Variants in AGBL1 observed in about 807,000 individuals in gnomAD.
AGBL1 encodes the protein AGBL carboxypeptidase 1.
AGBL1 carries 130 observed loss-of-function variants against 118.9 expected under a neutral mutation model. The ratio of observed to expected loss-of-function variants is 1.09; its 90% CI spans 0.95 to 1.26. The LOEUF (loss-of-function observed/expected upper bound fraction) is 1.26, where lower values mean the gene tolerates loss of function less well. AGBL1 is among the 50% of genes most tolerant of loss of function. The pLI, the probability that AGBL1 is intolerant of heterozygous loss-of-function variation, is 0.00. For missense variants in AGBL1, 1,584 were observed against 1,298.1 expected, an observed-to-expected ratio of 1.22 and a Z score of -3.38; for synonymous variants, 555 against 478.9, an observed-to-expected ratio of 1.16 and a Z score of -2.08.
chr15:86,444,019 G>A (rs180734166), intron 18 of AGBL1, among the ~76,000 whole-genome samples: 28 of 152,156 alleles, frequency 1.8e-4, no homozygotes, highest in African/African-American at 2.4e-4. Flanking sequence ...AGTTTATGGC[G>A]GAATATCAGT....
At chr15:86,811,443 G>T (rs2078787291) in intron 22 of AGBL1, among the ~76,000 whole-genome samples, 2 of 152,094 alleles carry the variant, frequency 1.3e-5, no homozygotes, top group Admixed American at 6.6e-5. Context: ...CTCTTCCCTG[G>T]CCTTATAACT....
At chr15:86,449,842 A>G (rs1211302742) in intron 18 of AGBL1, among the ~76,000 whole-genome samples, 4 of 152,174 alleles carry the variant, frequency 2.6e-5, no homozygotes, top group African/African-American at 4.8e-5. Flanking sequence ...CCTTCCACCC[A>G]GGAGAGCCAT....
chr15:86,376,741 C>T (rs926982258), intron 17 of AGBL1, among the ~76,000 whole-genome samples: 1 of 152,164 alleles, frequency 6.6e-6, no homozygotes, highest in African/African-American at 2.4e-5. Context: ...GGCTCAAGCT[C>T]TCATCTTAAG....
intron 7 of AGBL1, among the ~76,000 whole-genome samples, chr15:86,248,728 C>G (rs759572770): frequency 2.0e-5 from 3 of 152,082 alleles, no homozygotes; most frequent in Non-Finnish European, 4.4e-5. Flanking sequence ...ATAGGGAAAA[C>G]CTCCTAGCAG....
intron 1 of AGBL1, among the ~76,000 whole-genome samples, chr15:86,100,713 TTTG>T (rs998355001): frequency 6.6e-5 from 10 of 152,058 alleles, no homozygotes; most frequent in Admixed American, 4.6e-4. Context: ...TAATAGCTTT[TTTG>T]TTGTTGTTGT....
intron 4 of AGBL1, among the ~76,000 whole-genome samples, chr15:86,157,012 A>G (rs1054585022): frequency 4.0e-5 from 6 of 150,818 alleles, no homozygotes. Flanking sequence ...CTGGTCTTGA[A>G]CTCCTGACCT....
intron 17 of AGBL1, chr15:86,296,186 T>A (rs2079635829): frequency 6.7e-6 from 1 of 150,306 alleles, no homozygotes; most frequent in Non-Finnish European, 1.5e-5. Context: ...TGAAAATGGC[T>A]TCTGACATCA....
At chr15:86,351,847 T>G (rs1405899956) in intron 17 of AGBL1, among the ~76,000 whole-genome samples, 1 of 152,226 alleles carries the variant, frequency 6.6e-6, no homozygotes, top group African/African-American at 2.4e-5. Flanking sequence ...ACATTAGAAA[T>G]ATTTTCACAT....
chr15:86,376,555 A>T (rs914845095), intron 17 of AGBL1, among the ~76,000 whole-genome samples: 2 of 152,248 alleles, frequency 1.3e-5, no homozygotes, highest in Non-Finnish European at 2.9e-5. Flanking sequence ...GTGTGATAAC[A>T]GGTGTAAAGT....
intron 23 of AGBL1, among the ~76,000 whole-genome samples, chr15:86,949,128 G>A (rs2080853694): frequency 6.6e-6 from 1 of 151,942 alleles, no homozygotes; most frequent in Non-Finnish European, 1.5e-5. Flanking sequence ...AAGAAATACT[G>A]TAAAGAATAA....
At chr15:86,425,368 A>G (rs78256822) in intron 18 of AGBL1, among the ~76,000 whole-genome samples, 5,901 of 151,878 alleles carry the variant, frequency 0.039, 403 homozygotes, top group African/African-American at 0.14. Context: ...GCAGGGGAGT[A>G]TCACACACCA....
At chr15:86,136,999 T>A (rs1597442855) in intron 1 of AGBL1, among the ~76,000 whole-genome samples, 1 of 152,276 alleles carries the variant, frequency 6.6e-6, no homozygotes, top group South Asian at 2.1e-4. Flanking sequence ...TTTCAAAGGA[T>A]CATTAAAGGA....
At chr15:86,994,855 A>G (rs2081366120) in intron 24 of AGBL1, among the ~76,000 whole-genome samples, 1 of 152,234 alleles carries the variant, frequency 6.6e-6, no homozygotes, top group African/African-American at 2.4e-5. Flanking sequence ...TCTCAACCTT[A>G]TAATGGTCGA....
chr15:86,363,417 C>T (rs537373203), intron 17 of AGBL1, among the ~76,000 whole-genome samples: 10 of 152,234 alleles, frequency 6.6e-5, no homozygotes, highest in Admixed American at 4.6e-4. Flanking sequence ...TCTCTAGGAT[C>T]TCTTCCTTGT....
At chr15:86,839,317 T>G (rs932381200) in intron 22 of AGBL1, among the ~76,000 whole-genome samples, 3 of 152,238 alleles carry the variant, frequency 2.0e-5, no homozygotes, top group Non-Finnish European at 4.4e-5. Context: ...TGAAAAAGTC[T>G]TGCTTTAGTA....
At chr15:86,463,407 A>T (rs548964429) in intron 18 of AGBL1, among the ~76,000 whole-genome samples, 1 of 151,596 alleles carries the variant, frequency 6.6e-6, no homozygotes, top group African/African-American at 2.4e-5. Flanking sequence ...CACTCTGATG[A>T]TAGTTTCTTT....
intron 1 of AGBL1, among the ~76,000 whole-genome samples, chr15:86,091,888 T>C (rs1021521704): frequency 6.6e-6 from 1 of 152,296 alleles, no homozygotes; most frequent in East Asian, 1.9e-4. Flanking sequence ...TGATTTGTTC[T>C]TGTGAAAGTC....
chr15:86,598,031 T>C, intron 21 of AGBL1, among the ~76,000 whole-genome samples: 1 of 152,170 alleles, frequency 6.6e-6, no homozygotes, highest in Non-Finnish European at 1.5e-5. Flanking sequence ...CAGAGTTCTA[T>C]CATCATATTT....
intron 21 of AGBL1, among the ~76,000 whole-genome samples, chr15:86,627,004 ATT>A (rs529625807): frequency 1.4e-5 from 2 of 140,308 alleles, no homozygotes; most frequent in Non-Finnish European, 1.6e-5. Context: ...CGACCAGCTA[ATT>A]TTTTTTTTTT....
Sources: allele counts gnomAD v4.1 joint callset (sites outside exome capture counted in the v4.1 genomes callset), GRCh38; gene constraint gnomAD v4.1.1; transcripts MANE v1.5; gene names NCBI Gene and HGNC (gene_info 2026-07-23, HGNC 2026-07-21).